ANKRD26: variants seen among roughly 807,000 people sequenced by gnomAD.
The protein encoded by ANKRD26 is ankyrin repeat domain-containing protein 26.
ANKRD26 carries 141 observed loss-of-function variants against 208.7 expected under a neutral mutation model. That is an observed-to-expected ratio of 0.68 (90% CI 0.59 to 0.78). ANKRD26 has a LOEUF of 0.78. Among genes scored for constraint, ANKRD26 ranks in the 30% least tolerant of loss-of-function variants. The pLI is 0.00. For synonymous variants in ANKRD26, 636 were observed against 660.4 expected, an observed-to-expected ratio of 0.96 and a Z score of 0.57; for missense variants, 1,889 against 1,938.7, an observed-to-expected ratio of 0.97 and a Z score of 0.48.
downstream of ANKRD26, among the ~76,000 whole-genome samples, chr10:26,972,265 CAAAA>C (rs1180902774): frequency 1.3e-5 from 2 of 150,826 alleles, no homozygotes; most frequent in African/African-American, 4.9e-5. Flanking sequence ...AATTATAGTC[CAAAA>C]AATTATTCAC....
chr10:27,057,758 G>A (rs1209865906), intron 15 of ANKRD26, among the ~76,000 whole-genome samples: 1 of 152,076 alleles, frequency 6.6e-6, no homozygotes, highest in Non-Finnish European at 1.5e-5. Flanking sequence ...CCAACATGGT[G>A]AAACCCCATC....
At chr10:27,013,202 A>G in intron 31 of ANKRD26, 92 bp from the exon 32 acceptor site, 1 of 1,097,980 alleles carries the variant, frequency 9.1e-7, no homozygotes, top group South Asian at 1.3e-5. Context: ...TTACCATAGG[A>G]GTAAATGAAA....
intron 17 of ANKRD26, among the ~76,000 whole-genome samples, chr10:27,047,706 AC>A (rs1474728894): frequency 8.5e-5 from 8 of 93,932 alleles, no homozygotes; most frequent in African/African-American, 2.3e-4. Flanking sequence ...TAATAATACT[AC>A]TACTACTACT....
In ANKRD26 at chr10:27,061,240, C is replaced by T; in HGVS notation, c.1366G>A (p.Val456Met). The T allele has an allele frequency of 6.3e-7, 1 of 1,580,142 alleles. No homozygotes were observed. The highest frequency in any genetic ancestry group is 8.7e-7 in the Non-Finnish European group (1 of 1,150,736). ...CTCATGCAAGAAGGTATATAAAACA[C>T]ATCTAAGAAATAATACATAATAAGC... is the stretch of plus-strand genomic sequence containing the variant. ...KNIGNEQAED[V>M]FYIPSCMSGS... is the part of the protein sequence containing the mutation. The change falls in exon 13 of 34, where the codon GTG becomes ATG. Residue 456 changes from valine (V) to methionine (M), a missense_variant and splice_region_variant. Physicochemically the swap from Val to Met is conservative, Grantham distance 21 (BLOSUM62 1). Coordinates refer to ENST00000376087, the MANE Select transcript of ANKRD26 (RefSeq NM_014915.3).
chr10:27,051,453 C>A, intron 16 of ANKRD26: 1 of 1,072,566 alleles, frequency 9.3e-7, no homozygotes, highest in Non-Finnish European at 1.1e-6. Flanking sequence ...AGTGGTATTT[C>A]GGTTCATATT....
chr10:27,097,136 C>T (rs987094127), intron 1 of ANKRD26, among the ~76,000 whole-genome samples: 1 of 150,786 alleles, frequency 6.6e-6, no homozygotes, highest in East Asian at 2.0e-4. Flanking sequence ...GAGCCGAGAT[C>T]ACACCATTGC....
In ANKRD26 at chr10:27,079,197, A is replaced by G. The variant is rs3737055; in HGVS notation, c.741-36T>C. On this transcript the variant is annotated intron_variant, in intron 6 of 33. Coordinates refer to ENST00000376087, the MANE Select transcript of ANKRD26 (RefSeq NM_014915.3). ...AAAATATAGAAAAATGAGTGAATTC[A>G]TTTCTTTAAAAACAAAACAAAAACC... The G allele has an allele frequency of 5.8e-6, 9 of 1,556,696 alleles. No homozygotes were observed. The African/African-American group carries it at 1.2e-4, about 21-fold the overall frequency.
chr10:27,056,716 G>T (rs1248746182), intron 15 of ANKRD26, among the ~76,000 whole-genome samples: 2 of 152,056 alleles, frequency 1.3e-5, no homozygotes, highest in Non-Finnish European at 2.9e-5. Flanking sequence ...GGCAGAGGTT[G>T]TAGTGAGCTG....
intron 5 of ANKRD26, among the ~76,000 whole-genome samples, chr10:27,084,685 A>G (rs2056050840): frequency 6.6e-6 from 1 of 152,062 alleles, no homozygotes; most frequent in Non-Finnish European, 1.5e-5. Context: ...CCTGGCCAAC[A>G]TGGTAAAACC....
At chr10:27,078,943 C>A in intron 7 of ANKRD26, 146 bp downstream of exon 7, 1 of 535,424 alleles carries the variant, frequency 1.9e-6, no homozygotes, top group Non-Finnish European at 3.3e-6. Flanking sequence ...TTCAACTGGC[C>A]ATATTTCTAT....
chr10:26,983,631 C>T (rs1442508274), intron 3 of ANKRD26, among the ~76,000 whole-genome samples: 3 of 152,090 alleles, frequency 2.0e-5, no homozygotes, highest in African/African-American at 2.4e-5. Flanking sequence ...AAGGGTAAGA[C>T]AGATCAACCC....
At chr10:27,022,800 T>C in intron 28 of ANKRD26, 113 bp from the exon 29 acceptor site, 1 of 991,448 alleles carries the variant, frequency 1.0e-6, no homozygotes, top group South Asian at 1.5e-5. Context: ...ATCATGATTC[T>C]CTCGTTTATT....
At chr10:27,093,643 AG>A in intron 2 of ANKRD26, 41 bp downstream of exon 2, 1 of 1,600,242 alleles carries the variant, frequency 6.2e-7, no homozygotes, top group South Asian at 1.1e-5. Context: ...TATGTATTTA[AG>A]TCAAATCCAT....
At chr10:27,076,280 TAG>T (rs2055695764) in intron 9 of ANKRD26, among the ~76,000 whole-genome samples, 1 of 150,900 alleles carries the variant, frequency 6.6e-6, no homozygotes. Flanking sequence ...TTTTTTTTTT[TAG>T]ATGGAATTTC....
chr10:27,040,147 T>C lies in ANKRD26; in HGVS notation c.2193A>G (p.Ala731=), dbSNP rs2135245922. 2 of 1,612,502 alleles carry C rather than the reference T, an allele frequency of 1.2e-6. No individual in the cohort carries two copies. The highest frequency in any genetic ancestry group is 8.5e-7 in the Non-Finnish European group (1 of 1,179,252). ...CTAATAATCTTTCACATGAAAGAGCTGCATCCTGGATTTTCAATAGGCTAA... is the reference window on the plus strand; with the variant it reads ...CTAATAATCTTTCACATGAAAGAGCCGCATCCTGGATTTTCAATAGGCTAA... ...DSVSLLKIQD[A]ALSCERLLEL... is the part of the protein sequence containing the mutation. Residue 731 remains alanine (A), a synonymous_variant, in exon 21 of 34, where the codon GCA becomes GCG. Coordinates refer to ENST00000376087, the MANE Select transcript of ANKRD26 (RefSeq NM_014915.3).
In ANKRD26 at chr10:27,037,917, T is replaced by C. The variant is rs1589257398; in HGVS notation, c.2513A>G (p.Gln838Arg). 6.2e-7 allele frequency: 1 copy of C among 1,613,394 alleles called. No individual in the cohort carries two copies. The highest frequency in any genetic ancestry group is 2.2e-5 in the East Asian group (1 of 44,762). ...AGTCCTCAATTCCATCTCCAGTGTT[T>C]GGAGACTCAGTTCAAGCTGTTGTTT... ...EVKQQLELSL[Q>R]TLEMELRTVK... is the part of the protein sequence containing the mutation. The change falls in exon 22 of 34, where the codon CAA becomes CGA. Residue 838 changes from glutamine (Q) to arginine (R), a missense_variant. Physicochemically the swap from Gln to Arg is conservative, Grantham distance 43. Transcript: ENST00000376087.
At chr10:27,084,791 C>T (rs2056054259) in intron 5 of ANKRD26, among the ~76,000 whole-genome samples, 1 of 151,498 alleles carries the variant, frequency 6.6e-6, no homozygotes, top group South Asian at 2.1e-4. Flanking sequence ...ATTGCTTGAA[C>T]CCAGGAGGCG....
intron 9 of ANKRD26, among the ~76,000 whole-genome samples, chr10:27,076,799 A>G (rs1451369001): frequency 6.6e-6 from 1 of 152,336 alleles, no homozygotes; most frequent in East Asian, 1.9e-4. Context: ...TGAATTAGGA[A>G]AAAATAGAAA....
chr10:27,041,471 A>G (rs950363186), intron 20 of ANKRD26, among the ~76,000 whole-genome samples: 3 of 152,202 alleles, frequency 2.0e-5, no homozygotes, highest in African/African-American at 7.2e-5. Flanking sequence ...TCAGAAAGGT[A>G]TTGCCTCAGG....
Sources: allele counts gnomAD v4.1 joint callset (sites outside exome capture counted in the v4.1 genomes callset), GRCh38; gene constraint gnomAD v4.1.1; transcripts MANE v1.5; gene names NCBI Gene and HGNC (gene_info 2026-07-23, HGNC 2026-07-21).